The following SMIM8 variants were observed in gnomAD, a reference collection of about 807,000 sequenced individuals.
The protein encoded by SMIM8 is small integral membrane protein 8.
SMIM8 carries 8 observed loss-of-function variants against 8.1 expected under a neutral mutation model. That is an observed-to-expected ratio of 0.99 (90% CI 0.58 to 1.78). The LOEUF (loss-of-function observed/expected upper bound fraction) is 1.78, where lower values mean the gene tolerates loss of function less well. Among genes scored for constraint, SMIM8 ranks in the 40% most tolerant of loss-of-function variants. SMIM8 has a pLI of 0.00. For synonymous variants in SMIM8, 45 were observed against 39.7 expected (o/e 1.13, Z -0.50); for missense variants, 126 against 119.8 (o/e 1.05, Z -0.24).
At chr6:87,326,148 C>G (rs1442937120) in intron 1 of SMIM8, among the ~76,000 whole-genome samples, 1 of 152,044 alleles carries the variant, frequency 6.6e-6, no homozygotes, top group African/African-American at 2.4e-5. Context: ...CTATTTGATT[C>G]TTCTCTCTTT....
chr6:87,341,454 A>G lies in SMIM8; in HGVS notation c.*1180A>G. 1 of 394,820 alleles carries G rather than the reference A, an allele frequency of 2.5e-6. No homozygotes were observed. The highest frequency in any genetic ancestry group is 1.4e-4 in the South Asian group (1 of 7,060). 24.5% of individuals were successfully genotyped at this position (394,820 alleles called of 1,614,324 possible). A position where few individuals can be genotyped will look rare whatever the true frequency, so the allele number is the denominator to read the frequency against. On this transcript the variant is annotated 3_prime_UTR_variant, in exon 4 of 4. Coordinates refer to ENST00000392863, the MANE Select transcript of SMIM8 (RefSeq NM_001042493.3). ...CCAGATTCTGCCTTATAGAATTCAA[A>G]TCTTTCTTACAAGGGTTCTGGACCC... is the stretch of plus-strand genomic sequence containing the variant.
At chr6:87,334,986 C>T (rs191336433) in intron 2 of SMIM8, among the ~76,000 whole-genome samples, 3 of 152,172 alleles carry the variant, frequency 2.0e-5, no homozygotes, top group Non-Finnish European at 4.4e-5. Flanking sequence ...CATTCTGCAG[C>T]CATTGGATCA....
In SMIM8 at chr6:87,332,272, G is replaced by T. The variant is rs546189233; in HGVS notation, c.-24+1560G>T. ...TTTTAAAATACTGACATTTTTGTTA[G>T]TTGTAACTAGTCTCTCTCTTTCTCT... On this transcript the variant is annotated intron_variant, in intron 2 of 3. Transcript: ENST00000392863. Among the ~76,000 whole-genome samples, 6 of 149,486 alleles carry T rather than the reference G, an allele frequency of 4.0e-5. No homozygotes were observed. In the East Asian group the frequency reaches 1.2e-3, roughly 29 times the overall value.
chr6:87,325,145 A>G (rs1295526048), intron 1 of SMIM8, among the ~76,000 whole-genome samples: 1 of 152,198 alleles, frequency 6.6e-6, no homozygotes, highest in South Asian at 2.1e-4. Flanking sequence ...GAAGTTGCTT[A>G]TCAGCTTAAG....
intron 1 of SMIM8, among the ~76,000 whole-genome samples, chr6:87,323,603 C>A (rs1422728695): frequency 1.3e-5 from 2 of 152,002 alleles, no homozygotes; most frequent in South Asian, 2.1e-4. Context: ...AGGACATGAA[C>A]TCATCATTTT....
chr6:87,339,325 CGTGTGTGTGTGTGTGTGT>C (rs59321615), intron 3 of SMIM8, among the ~76,000 whole-genome samples: 86 of 124,178 alleles, frequency 6.9e-4, no homozygotes, highest in African/African-American at 1.3e-3. Flanking sequence ...CAAAACACAG[CGTGTGTGTGTGTGTGTGT>C]GTGTGTGTGT....
chr6:87,330,225 A>G (rs887363905), intron 1 of SMIM8, among the ~76,000 whole-genome samples: 1 of 152,210 alleles, frequency 6.6e-6, no homozygotes, highest in Non-Finnish European at 1.5e-5. Flanking sequence ...CTTTCATTAA[A>G]ATATTTTGCC....
chr6:87,338,120 T>G (rs960691528), intron 3 of SMIM8, among the ~76,000 whole-genome samples: 7 of 152,226 alleles, frequency 4.6e-5, no homozygotes, highest in African/African-American at 1.7e-4. Context: ...TTTTAAAAGC[T>G]TTGAACTAAT....
At chr6:87,336,055 C>A (rs1339526479) in intron 2 of SMIM8, among the ~76,000 whole-genome samples, 3 of 152,138 alleles carry the variant, frequency 2.0e-5, no homozygotes, top group Non-Finnish European at 4.4e-5. Flanking sequence ...GCAAACAAAG[C>A]CCCAATGTGT....
chr6:87,339,038 T>A (rs1777166859), intron 3 of SMIM8, among the ~76,000 whole-genome samples: 1 of 149,692 alleles, frequency 6.7e-6, no homozygotes, highest in South Asian at 2.1e-4. Context: ...TACAAAAAAA[T>A]TTAAAATTAG....
intron 1 of SMIM8, among the ~76,000 whole-genome samples, chr6:87,327,091 C>A (rs1222199371): frequency 2.0e-5 from 3 of 151,268 alleles, no homozygotes; most frequent in Non-Finnish European, 4.4e-5. Flanking sequence ...GATTGCAACC[C>A]CTGCTTTTTT....
chr6:87,328,985 G>A (rs1414331579), intron 1 of SMIM8, among the ~76,000 whole-genome samples: 6 of 152,210 alleles, frequency 3.9e-5, no homozygotes, highest in South Asian at 2.1e-4. Flanking sequence ...TCGGAAAAGC[G>A]CAGGATTCGG....
chr6:87,334,656 T>G (rs905792577), intron 2 of SMIM8, among the ~76,000 whole-genome samples: 5 of 152,228 alleles, frequency 3.3e-5, no homozygotes, highest in Non-Finnish European at 7.3e-5. Flanking sequence ...CCTTATCATA[T>G]GCTTCATGCC....
At chr6:87,328,511 G>C (rs1294924967) in intron 1 of SMIM8, among the ~76,000 whole-genome samples, 1 of 151,714 alleles carries the variant, frequency 6.6e-6, no homozygotes, top group African/African-American at 2.4e-5. Context: ...GTACCCGGCC[G>C]TGTGAGGTAT....
rs558044743 is a variant in SMIM8, at chr6:87,332,778, A to G, written c.-24+2066A>G. ...GTTACAATGACTTTTACCTTTGTAT[A>G]TTTGCTTTTTCAGGCCTTTGTAGTA... On this transcript the variant is annotated intron_variant, in intron 2 of 3. Transcript: ENST00000392863. Among the ~76,000 whole-genome samples, 9 of 27,702 alleles carry G rather than the reference A, an allele frequency of 3.2e-4. No individual in the cohort carries two copies. In the South Asian group the frequency reaches 8.1e-3, roughly 25 times the overall value. 18.2% of individuals were successfully genotyped at this position (27,702 alleles called of 152,430 possible).
At chr6:87,335,620 C>A (rs1777097157) in intron 2 of SMIM8, among the ~76,000 whole-genome samples, 1 of 151,938 alleles carries the variant, frequency 6.6e-6, no homozygotes, top group Non-Finnish European at 1.5e-5. Flanking sequence ...TTTGAAAAGC[C>A]AAGTTCCTAG....
chr6:87,323,720 T>C (rs1776735179), intron 1 of SMIM8, among the ~76,000 whole-genome samples: 1 of 152,178 alleles, frequency 6.6e-6, no homozygotes, highest in Admixed American at 6.5e-5. Flanking sequence ...TTGTGAATAA[T>C]GCCGCAATAA....
intron 2 of SMIM8, among the ~76,000 whole-genome samples, chr6:87,333,493 C>G (rs1777037184): frequency 6.6e-6 from 1 of 152,164 alleles, no homozygotes; most frequent in Non-Finnish European, 1.5e-5. Flanking sequence ...ACATTTGTTA[C>G]TTAAATTCTA....
At chr6:87,331,768 G>T (rs1335059815) in intron 2 of SMIM8, among the ~76,000 whole-genome samples, 1 of 152,064 alleles carries the variant, frequency 6.6e-6, no homozygotes, top group African/African-American at 2.4e-5. Context: ...AATTTTGGGA[G>T]AATTGTTGTA....
Sources: allele counts gnomAD v4.1 joint callset (sites outside exome capture counted in the v4.1 genomes callset), GRCh38; gene constraint gnomAD v4.1.1; transcripts MANE v1.5; gene names NCBI Gene and HGNC (gene_info 2026-07-23, HGNC 2026-07-21).